ULK4: variants seen among roughly 807,000 people sequenced by gnomAD.
ULK4 encodes unc-51 like kinase 4.
A neutral mutation model predicts 160.6 loss-of-function variants in ULK4; 133 were observed. The observed-to-expected ratio is 0.83, with a 90% CI of 0.72 to 0.96. The LOEUF (loss-of-function observed/expected upper bound fraction) is 0.96, where lower values mean the gene tolerates loss of function less well. Ranked by LOEUF, ULK4 falls within the 40% of genes least tolerant of loss-of-function variation. ULK4 has a pLI of 0.00. For missense variants in ULK4, 1,580 were observed against 1,499.5 expected, an observed-to-expected ratio of 1.05 and a Z score of -0.89; for synonymous variants, 534 against 539.8, an observed-to-expected ratio of 0.99 and a Z score of 0.15.
At position 41,775,691 on chromosome 3, in the gene ULK4, G is replaced by A. The variant is rs1014352051; in HGVS notation, c.2193+13970C>T. On this transcript the variant is annotated intron_variant, in intron 21 of 36. Coordinates refer to ENST00000301831, the MANE Select transcript of ULK4 (RefSeq NM_017886.4). ...TGGGATTACAGGCATGAGCCACCGC[G>A]CCCAGCCGACAACTCCTCTTTTTTT... Among the ~76,000 whole-genome samples the A allele has an allele frequency of 7.3e-5, 11 of 150,492 alleles. 1 individual carries two copies. The highest frequency in any genetic ancestry group is 1.0e-4 in the Non-Finnish European group (7 of 67,984).
chr3:41,622,571 G>A (rs2033303566), intron 30 of ULK4, among the ~76,000 whole-genome samples: 1 of 152,030 alleles, frequency 6.6e-6, no homozygotes, highest in South Asian at 2.1e-4. Flanking sequence ...GACACAAGGA[G>A]GGGAACATCA....
At chr3:41,455,379 T>C (rs2083522074) in intron 34 of ULK4, 118 bp downstream of exon 34, 1 of 900,460 alleles carries the variant, frequency 1.1e-6, no homozygotes, top group African/African-American at 1.7e-5. Context: ...CTGAAAGTTC[T>C]TTTGGCTCTA....
chr3:41,820,077 C>T (rs937762021), intron 18 of ULK4, among the ~76,000 whole-genome samples: 1 of 152,032 alleles, frequency 6.6e-6, no homozygotes, highest in Non-Finnish European at 1.5e-5. Flanking sequence ...AAGCACACTC[C>T]TGCAACCTAT....
chr3:41,353,963 C>T (rs1263627281), intron 35 of ULK4, among the ~76,000 whole-genome samples: 1 of 152,114 alleles, frequency 6.6e-6, no homozygotes, highest in Non-Finnish European at 1.5e-5. Flanking sequence ...TGGCCTGCTA[C>T]CTAGTGTCTC....
intron 21 of ULK4, among the ~76,000 whole-genome samples, chr3:41,764,214 T>C (rs2039082535): frequency 6.6e-6 from 1 of 152,236 alleles, no homozygotes; most frequent in African/African-American, 2.4e-5. Flanking sequence ...TTTATGTATA[T>C]TTAAATACAT....
intron 32 of ULK4, among the ~76,000 whole-genome samples, chr3:41,517,362 T>C (rs1198337808): frequency 6.6e-6 from 1 of 152,076 alleles, no homozygotes; most frequent in Non-Finnish European, 1.5e-5. Flanking sequence ...TAAGTCAGAG[T>C]TCTGCCCTCA....
chr3:41,317,061 C>CTTT (rs1170201981), intron 35 of ULK4, among the ~76,000 whole-genome samples: 8 of 92,160 alleles, frequency 8.7e-5, no homozygotes, highest in African/African-American at 3.9e-4. Context: ...GCAATTACAT[C>CTTT]TATTTTTTTT....
At chr3:41,282,012 C>A (rs2079364900) in intron 35 of ULK4, among the ~76,000 whole-genome samples, 1 of 152,098 alleles carries the variant, frequency 6.6e-6, no homozygotes, top group African/African-American at 2.4e-5. Flanking sequence ...CAATAACAGA[C>A]AAACAGAGAG....
At chr3:41,588,241 A>G (rs1481209914) in intron 31 of ULK4, among the ~76,000 whole-genome samples, 2 of 152,236 alleles carry the variant, frequency 1.3e-5, no homozygotes, top group African/African-American at 4.8e-5. Context: ...GACTGACAGT[A>G]CATTTCATTT....
chr3:41,829,004 T>G (rs560314090), intron 18 of ULK4, among the ~76,000 whole-genome samples: 192 of 150,998 alleles, frequency 1.3e-3, no homozygotes, highest in South Asian at 3.6e-3. Flanking sequence ...TATCTACAAC[T>G]ATCTGATCTT....
At chr3:41,342,433 G>A (rs1430699668) in intron 35 of ULK4, among the ~76,000 whole-genome samples, 29 of 152,108 alleles carry the variant, frequency 1.9e-4, no homozygotes, top group Non-Finnish European at 1.9e-4. Context: ...TAATTAGGGT[G>A]TTGCTACTGT....
intron 4 of ULK4, 67 bp from the exon 5 acceptor site, chr3:41,932,073 T>C (rs959029666): frequency 7.2e-7 from 1 of 1,391,032 alleles, no homozygotes; most frequent in Non-Finnish European, 9.6e-7. Flanking sequence ...TCAGTACCTC[T>C]TATAATTGTA....
At chr3:41,412,563 T>C (rs1694086247) in intron 34 of ULK4, among the ~76,000 whole-genome samples, 2 of 141,524 alleles carry the variant, frequency 1.4e-5, no homozygotes, top group Admixed American at 1.4e-4. Context: ...ATTTTTTTTT[T>C]TTTTTTTTTT....
chr3:41,312,785 G>C (rs1422731048), intron 35 of ULK4, among the ~76,000 whole-genome samples: 1 of 152,144 alleles, frequency 6.6e-6, no homozygotes, highest in Non-Finnish European at 1.5e-5. Context: ...TCCAGCCTGG[G>C]CAACAGAGTG....
intron 34 of ULK4, among the ~76,000 whole-genome samples, chr3:41,436,337 T>C (rs71331163): frequency 6.6e-6 from 1 of 152,184 alleles, no homozygotes; most frequent in East Asian, 1.9e-4. Flanking sequence ...CATAACCCCA[T>C]TGCAAGTTGA....
intron 32 of ULK4, among the ~76,000 whole-genome samples, chr3:41,531,622 T>A (rs2086323039): frequency 6.6e-6 from 1 of 152,110 alleles, no homozygotes. Context: ...AGACCAAGTG[T>A]GGTATTACTA....
chr3:41,428,776 T>C (rs2082836843), intron 34 of ULK4, among the ~76,000 whole-genome samples: 1 of 152,116 alleles, frequency 6.6e-6, no homozygotes, highest in African/African-American at 2.4e-5. Flanking sequence ...TAAGTGAAGA[T>C]GGATTAAAGA....
At chr3:41,859,359 A>G (rs1351274453) in intron 17 of ULK4, 4 of 588,202 alleles carry the variant, frequency 6.8e-6, no homozygotes, top group African/African-American at 1.9e-5. Flanking sequence ...CTCAAGGCCA[A>G]TGATGCTTCA....
chr3:41,656,246 T>A (rs890895602), intron 30 of ULK4, among the ~76,000 whole-genome samples: 2 of 152,102 alleles, frequency 1.3e-5, no homozygotes, highest in African/African-American at 4.8e-5. Flanking sequence ...GGAACACTTA[T>A]ACAACATTTT....
Sources: allele counts gnomAD v4.1 joint callset (sites outside exome capture counted in the v4.1 genomes callset), GRCh38; gene constraint gnomAD v4.1.1; transcripts MANE v1.5; gene names NCBI Gene and HGNC (gene_info 2026-07-23, HGNC 2026-07-21).